DNAJA3: variants seen among roughly 807,000 people sequenced by gnomAD.
DNAJA3 encodes dnaJ homolog subfamily A member 3, mitochondrial.
DNAJA3 carries 29 observed loss-of-function variants against 54.9 expected under a neutral mutation model. The ratio of observed to expected loss-of-function variants is 0.53; its 90% CI spans 0.39 to 0.72. The LOEUF is 0.72. Ranked by LOEUF, DNAJA3 falls within the 30% of genes least tolerant of loss-of-function variation. The pLI is 0.00. For synonymous variants in DNAJA3, 302 were observed against 251.4 expected (o/e 1.20, Z -1.90); for missense variants, 708 against 639.4 (o/e 1.11, Z -1.16).
At chr16:4,444,551 G>A (rs933602458) in intron 6 of DNAJA3, 113 bp from the exon 7 acceptor site, 3 of 844,886 alleles carry the variant, frequency 3.6e-6, no homozygotes, top group Non-Finnish European at 5.8e-6. Context: ...GGCCAGGATG[G>A]TCTCGATCTC....
At position 4,437,395 on chromosome 16, in the gene DNAJA3, C is replaced by T; in HGVS notation, c.346-7C>T. On this transcript the variant is annotated splice_region_variant and splice_polypyrimidine_tract_variant and intron_variant, in intron 2 of 11. Coordinates refer to ENST00000262375, the MANE Select transcript of DNAJA3 (RefSeq NM_005147.6). The stretch of plus-strand genomic sequence containing the variant: ...ATCTGGAGTAATTTATCATGTTTTT[C>T]CCTTAGCTTGCCAAGAAGTATCACC... The T allele has an allele frequency of 6.2e-7, 1 of 1,613,288 alleles. No individual in the cohort carries two copies. The highest frequency in any genetic ancestry group is 8.5e-7 in the Non-Finnish European group (1 of 1,179,410).
Position 4,455,760 on chromosome 16 carries a change from G to C in DNAJA3, c.*228G>C, listed in dbSNP as rs1475883332. The C allele has an allele frequency of 3.1e-6, 2 of 636,786 alleles. No homozygotes were observed. The highest frequency in any genetic ancestry group is 5.5e-6 in the Non-Finnish European group (2 of 364,722). 39.4% of individuals were successfully genotyped at this position (636,786 alleles called of 1,614,324 possible). On this transcript the variant is annotated 3_prime_UTR_variant, in exon 12 of 12. Coordinates refer to ENST00000262375, the MANE Select transcript of DNAJA3 (RefSeq NM_005147.6). ...CAGTAGGATGCAGCCCCAGAGGCTG[G>C]TGGCAGTTTCCTGTCCATTGGTAGG...
chr16:4,456,668 T>A lies in DNAJA3; in HGVS notation c.*1136T>A, dbSNP rs2057040206. ...ACAGTTTCCTTTTTGTTTTCCTTTATAATTCACTAAAATAAAGCATCTATT... is the reference window on the plus strand; with the variant it reads ...ACAGTTTCCTTTTTGTTTTCCTTTAAAATTCACTAAAATAAAGCATCTATT... On this transcript the variant is annotated 3_prime_UTR_variant, in exon 12 of 12. Coordinates refer to ENST00000262375, the MANE Select transcript of DNAJA3 (RefSeq NM_005147.6). 1 of 152,652 alleles carries A rather than the reference T, an allele frequency of 6.6e-6. No homozygotes were observed. The highest frequency in any genetic ancestry group is 6.5e-5 in the Admixed American group (1 of 15,274). The allele number at this position is 152,652 out of a possible 1,614,324, so 9.5% of individuals were successfully genotyped here.
At chr16:4,437,527 T>C (rs764889691) in intron 3 of DNAJA3, 42 bp downstream of exon 3, 1 of 1,553,116 alleles carries the variant, frequency 6.4e-7, no homozygotes, top group Non-Finnish European at 8.9e-7. Context: ...TGTTCAGCTA[T>C]GTGTATGAAT....
In DNAJA3 at chr16:4,447,072, A is replaced by G. The variant is rs1422238961; in HGVS notation, c.1125+58A>G. On this transcript the variant is annotated intron_variant, in intron 8 of 11. Coordinates refer to ENST00000262375, the MANE Select transcript of DNAJA3 (RefSeq NM_005147.6). The stretch of plus-strand genomic sequence containing the variant: ...TGTACTTTATTGCTCTTTTTCTGAA[A>G]TGGAAAAGAACTGACCAGTGGCCTG... 8.9e-6 allele frequency: 14 copies of G among 1,577,422 alleles called. No individual in the cohort carries two copies. In the Admixed American group the frequency reaches 2.4e-4, roughly 27 times the overall value.
intron 8 of DNAJA3, 118 bp downstream of exon 8, chr16:4,447,132 C>A: frequency 1.6e-6 from 2 of 1,251,718 alleles, no homozygotes; most frequent in East Asian, 2.4e-5. Context: ...GGGGGGCACT[C>A]ACAGGGGAGG....
chr16:4,444,930 C>G (rs1409796978), intron 7 of DNAJA3, among the ~76,000 whole-genome samples: 3 of 152,176 alleles, frequency 2.0e-5, no homozygotes, highest in Non-Finnish European at 4.4e-5. Context: ...GAGAAGACAA[C>G]TTCTTCAACA....
chr16:4,429,037 T>C (rs1249816992), intron 1 of DNAJA3, among the ~76,000 whole-genome samples: 1 of 151,632 alleles, frequency 6.6e-6, no homozygotes, highest in African/African-American at 2.4e-5. Context: ...TACAGGCACC[T>C]GCAACCGCGC....
At chr16:4,446,659 T>G (rs1431584164) in intron 7 of DNAJA3, among the ~76,000 whole-genome samples, 3 of 152,234 alleles carry the variant, frequency 2.0e-5, no homozygotes, top group Non-Finnish European at 4.4e-5. Context: ...TTTCGGCATT[T>G]CAAGTGTGTA....
chr16:4,442,274 A>T lies in DNAJA3; in HGVS notation c.637A>T (p.Met213Leu). 1 of 1,591,710 alleles carries T rather than the reference A, an allele frequency of 6.3e-7. No individual in the cohort carries two copies. Among genetic ancestry groups the T allele is most frequent in the South Asian group, 1.1e-5 (1 of 87,588 alleles). Residue 213 changes from methionine (M) to leucine (L), a missense_variant, in exon 5 of 12, where the codon ATG (methionine) becomes TTG (leucine). By Grantham distance (15) the Met-to-Leu change is conservative. Transcript: ENST00000262375. ...TGTCCCTTGGTTTCTTTAGTACTTC[A>T]TGGAGTTGACATTCAATCAAGCTGC... ...TVFDQPQEYF[M>L]ELTFNQAAKG... is the part of the protein sequence containing the mutation.
chr16:4,447,123 G>C (rs912570469), intron 8 of DNAJA3, 109 bp downstream of exon 8: 4 of 1,345,488 alleles, frequency 3.0e-6, no homozygotes, highest in Non-Finnish European at 4.0e-6. Context: ...CAGCATGTGG[G>C]GGGGCACTCA....
intron 3 of DNAJA3, among the ~76,000 whole-genome samples, chr16:4,438,709 T>C (rs1184766775): frequency 6.8e-6 from 1 of 146,100 alleles, no homozygotes; most frequent in Non-Finnish European, 1.5e-5. Context: ...ACTCCTGAGC[T>C]GAAGAGATCC....
intron 7 of DNAJA3, among the ~76,000 whole-genome samples, chr16:4,445,285 C>T (rs189910712): frequency 3.3e-5 from 5 of 152,258 alleles, no homozygotes; most frequent in South Asian, 2.1e-4. Flanking sequence ...GCAGGGCAGT[C>T]GGAAGGAAAG....
At chr16:4,428,975 G>C (rs1012064222) in intron 1 of DNAJA3, among the ~76,000 whole-genome samples, 1 of 134,282 alleles carries the variant, frequency 7.4e-6, no homozygotes, top group African/African-American at 2.9e-5. Context: ...TGCAAACTCC[G>C]CCTCCCGGGT....
Position 4,446,961 on chromosome 16 carries a change from C to G in DNAJA3, c.1072C>G (p.Leu358Val). 1 of 1,614,140 alleles carries G rather than the reference C, an allele frequency of 6.2e-7. No homozygotes were observed. The highest frequency in any genetic ancestry group is 2.2e-5 in the East Asian group (1 of 44,886). The change falls in exon 8 of 12, where the codon CTT becomes GTT. Residue 358 changes from leucine (L) to valine (V), a missense_variant. Leu to Val is a conservative substitution (Grantham distance 32). Transcript: ENST00000262375. Reference protein sequence around the residue: ...SDLFISIAQALLGGTARAQGL... With the variant: ...SDLFISIAQAVLGGTARAQGL... ...CCTCTTTATTTCTATAGCTCAGGCT[C>G]TTCTTGGGGGTACAGCCAGAGCCCA...
intron 6 of DNAJA3, 142 bp from the exon 7 acceptor site, chr16:4,444,522 G>A (rs1352701326): frequency 3.5e-5 from 22 of 627,392 alleles, no homozygotes; most frequent in Non-Finnish European, 5.7e-5. Context: ...TTTTAGTAGA[G>A]ACCAGGTTTC....
intron 7 of DNAJA3, among the ~76,000 whole-genome samples, chr16:4,446,509 G>T (rs914028481): frequency 6.6e-6 from 1 of 152,016 alleles, no homozygotes; most frequent in African/African-American, 2.4e-5. Context: ...CTCCCAAAGT[G>T]CTGGGATTAC....
chr16:4,437,250 C>T (rs2056782491), intron 2 of DNAJA3, 152 bp from the exon 3 acceptor site: 2 of 668,016 alleles, frequency 3.0e-6, no homozygotes, highest in South Asian at 1.8e-5. Flanking sequence ...GGATTACAGG[C>T]GTGAGCCACT....
intron 4 of DNAJA3, 97 bp downstream of exon 4, chr16:4,441,672 G>A: frequency 1.5e-6 from 2 of 1,290,476 alleles, no homozygotes; most frequent in Non-Finnish European, 2.2e-6. Context: ...AGGCAAGGCA[G>A]CTTAAATGGA....
Sources: gnomAD v4.1 joint callset for allele counts (sites outside exome capture counted in the v4.1 genomes callset) on GRCh38, gnomAD v4.1.1 for gene constraint, MANE v1.5 for transcripts, NCBI Gene and HGNC (gene_info 2026-07-23, HGNC 2026-07-21) for gene names.